Variants in TFEC observed in about 807,000 individuals in gnomAD.
TFEC encodes the protein transcription factor EC.
Under a neutral mutation model 41.6 loss-of-function variants are expected in TFEC, and 31 were observed. The observed-to-expected ratio is 0.74, with a 90% confidence interval of 0.56 to 1.01. TFEC has a LOEUF of 1.01. Among genes scored for constraint, TFEC ranks in the 50% least tolerant of loss-of-function variants. The pLI is 0.00. For missense variants in TFEC, 402 were observed against 404.1 expected (o/e 0.99, Z 0.04); for synonymous variants, 143 against 140.6 (o/e 1.02, Z -0.12).
At position 115,961,611 on chromosome 7, in the gene TFEC, T is replaced by A. The variant is rs1216249417; in HGVS notation, c.268-4818A>T. ...AGATAGATTCATAAACCAAAGCTTG[T>A]TTTTGTTTGAAAAAAAATTAACAAG... On this transcript the variant is annotated intron_variant, in intron 3 of 7. Transcript: ENST00000265440. Among the ~76,000 whole-genome samples, 4 of 151,626 alleles carry A rather than the reference T, an allele frequency of 2.6e-5. No individual in the cohort carries two copies. The Admixed American group carries it at 2.6e-4, about 10-fold the overall frequency.
Position 115,940,515 on chromosome 7 carries a change from T to A in TFEC, c.*36A>T. On this transcript the variant is annotated 3_prime_UTR_variant, in exon 8 of 8. Coordinates refer to ENST00000265440, the MANE Select transcript of TFEC (RefSeq NM_012252.4). Reference sequence around the variant, plus strand: ...ATAATTGCATAGCACCAGCATAGAATTGCTTTCCAGTTGATGAATTGGGTC... The same window carrying A: ...ATAATTGCATAGCACCAGCATAGAAATGCTTTCCAGTTGATGAATTGGGTC... 1.3e-6 allele frequency: 2 copies of A among 1,566,234 alleles called. No individual in the cohort carries two copies. Among genetic ancestry groups the A allele is most frequent in the Non-Finnish European group, 1.7e-6 (2 of 1,154,910 alleles).
chr7:116,108,248 A>T (rs1485066554), intron 3 of TFEC, among the ~76,000 whole-genome samples: 1 of 152,174 alleles, frequency 6.6e-6, no homozygotes, highest in Non-Finnish European at 1.5e-5. Context: ...AGGTCAATGA[A>T]ATAGTCTTAT....
Position 116,111,788 on chromosome 7 carries a change from T to C in TFEC, c.-22+204A>G, listed in dbSNP as rs1041622471. Among the ~76,000 whole-genome samples, 16 of 151,994 alleles carry C rather than the reference T, an allele frequency of 1.1e-4. No homozygotes were observed. In the South Asian group the frequency reaches 1.2e-3, roughly 12 times the overall value. Reference sequence around the variant, plus strand: ...ATTATATAATAACACTAATGTGAAGTAACTGGAATAAACAGACCCAACCCC... The same window carrying C: ...ATTATATAATAACACTAATGTGAAGCAACTGGAATAAACAGACCCAACCCC... On this transcript the variant is annotated intron_variant, in intron 2 of 8. Transcript: ENST00000484212.
chr7:115,976,459 A>C (rs1793384551), intron 2 of TFEC, among the ~76,000 whole-genome samples: 1 of 152,082 alleles, frequency 6.6e-6, no homozygotes, highest in African/African-American at 2.4e-5. Context: ...CTGAATTTGT[A>C]CTAACTTTAA....
At chr7:116,016,312 T>C (rs1303960929) in intron 1 of TFEC, among the ~76,000 whole-genome samples, 1 of 152,172 alleles carries the variant, frequency 6.6e-6, no homozygotes, top group Non-Finnish European at 1.5e-5. Context: ...TTGTGAACTG[T>C]CAGTGAGGAG....
chr7:116,058,430 T>G (rs962899859), intron 3 of TFEC, among the ~76,000 whole-genome samples: 10 of 151,524 alleles, frequency 6.6e-5, no homozygotes, highest in Admixed American at 6.6e-4. Flanking sequence ...AAATAGAAAA[T>G]TGTACCATTA....
intron 4 of TFEC, among the ~76,000 whole-genome samples, chr7:115,955,482 C>A (rs1792172797): frequency 6.6e-6 from 1 of 152,050 alleles, no homozygotes; most frequent in African/African-American, 2.4e-5. Flanking sequence ...GAAGCACTAT[C>A]CTACAAGAAC....
chr7:116,135,955 T>A (rs769045389), intron 1 of TFEC, among the ~76,000 whole-genome samples: 7 of 152,068 alleles, frequency 4.6e-5, no homozygotes, highest in Non-Finnish European at 1.0e-4. Context: ...GCTTTTAGGG[T>A]TCTCTGCAAA....
chr7:116,107,933 T>C (rs1405936855), intron 3 of TFEC, among the ~76,000 whole-genome samples: 3 of 152,200 alleles, frequency 2.0e-5, no homozygotes, highest in African/African-American at 7.2e-5. Flanking sequence ...AGCATGATGC[T>C]TGTCCCATAG....
intron 3 of TFEC, among the ~76,000 whole-genome samples, chr7:115,957,442 T>C (rs992251431): frequency 6.6e-6 from 1 of 151,952 alleles, no homozygotes; most frequent in Admixed American, 6.6e-5. Context: ...ATAGCAACAC[T>C]GCAATTCTTG....
intron 1 of TFEC, among the ~76,000 whole-genome samples, chr7:116,011,780 A>G (rs1404878366): frequency 6.6e-6 from 1 of 152,066 alleles, no homozygotes; most frequent in Admixed American, 6.6e-5. Context: ...TGCTATTCTC[A>G]CGATAATGAG....
chr7:116,074,273 A>G (rs1796903095), intron 3 of TFEC, among the ~76,000 whole-genome samples: 1 of 151,882 alleles, frequency 6.6e-6, no homozygotes, highest in African/African-American at 2.4e-5. Context: ...GACTTCCAAA[A>G]TGAAAAATGT....
intron 3 of TFEC, among the ~76,000 whole-genome samples, chr7:116,110,154 A>G (rs1562972535): frequency 6.6e-6 from 1 of 152,206 alleles, no homozygotes; most frequent in Non-Finnish European, 1.5e-5. Flanking sequence ...GCAGCGCACC[A>G]ACATGGCACA....
intron 1 of TFEC, among the ~76,000 whole-genome samples, chr7:115,992,759 G>A (rs1244859179): frequency 1.3e-5 from 2 of 152,038 alleles, no homozygotes; most frequent in African/African-American, 2.4e-5. Flanking sequence ...ATTCACAGCC[G>A]AATTCTACCA....
intron 1 of TFEC, among the ~76,000 whole-genome samples, chr7:116,020,639 A>G (rs919466908): frequency 6.6e-6 from 1 of 152,186 alleles, no homozygotes; most frequent in Admixed American, 6.5e-5. Flanking sequence ...CACACAGCAA[A>G]AATTTTAAAT....
In TFEC at chr7:115,942,025, G is replaced by T. The variant is rs1793532061; in HGVS notation, c.531C>A (p.Asn177Lys). 4 of 1,612,384 alleles carry T rather than the reference G, an allele frequency of 2.5e-6. No individual in the cohort carries two copies. The highest frequency in any genetic ancestry group is 3.4e-6 in the Non-Finnish European group (4 of 1,178,964). ...PKSNDPDMRW[N>K]KGTILKASVE... ...CTGATGCTTTTAGAATGGTTCCTTT[G>T]TTCCAGCGCATATCACTGTAGAATG... The change falls in exon 7 of 8, where the codon AAC (asparagine) becomes AAA (lysine). Residue 177 changes from asparagine to lysine, a missense_variant. Physicochemically the swap from Asn to Lys is moderately conservative, Grantham distance 94. Coordinates refer to ENST00000265440, the MANE Select transcript of TFEC (RefSeq NM_012252.4).
chr7:115,998,801 G>C (rs569513765), intron 1 of TFEC, among the ~76,000 whole-genome samples: 2 of 151,866 alleles, frequency 1.3e-5, no homozygotes, highest in South Asian at 4.2e-4. Context: ...ATATATATGT[G>C]CCCCAAAACT....
At chr7:116,116,691 A>C (rs1797996227) in intron 1 of TFEC, among the ~76,000 whole-genome samples, 1 of 151,938 alleles carries the variant, frequency 6.6e-6, no homozygotes, top group Admixed American at 6.6e-5. Flanking sequence ...CTACTATTCT[A>C]TGAATGAGCA....
chr7:115,975,144 T>C (rs1189281479), intron 2 of TFEC, among the ~76,000 whole-genome samples: 1 of 152,082 alleles, frequency 6.6e-6, no homozygotes, highest in African/African-American at 2.4e-5. Context: ...TTTTCTAAAA[T>C]AGAAACTTTC....
Sources: allele counts gnomAD v4.1 joint callset (sites outside exome capture counted in the v4.1 genomes callset), GRCh38; gene constraint gnomAD v4.1.1; transcripts MANE v1.5; gene names NCBI Gene and HGNC (gene_info 2026-07-23, HGNC 2026-07-21).